The following ARHGAP22 variants were observed in gnomAD, a reference collection of about 807,000 sequenced individuals.
ARHGAP22 encodes rho GTPase-activating protein 22.
Under a neutral mutation model 59.1 loss-of-function variants are expected in ARHGAP22, and 48 were observed. The observed-to-expected ratio is 0.81, with a 90% CI of 0.64 to 1.03. The LOEUF is 1.03. Ranked by LOEUF, ARHGAP22 falls within the 50% of genes least tolerant of loss-of-function variation. The probability of loss-of-function intolerance (pLI) is 0.00; values close to 1 mark genes in which losing one functional copy is unlikely to be tolerated. For synonymous variants in ARHGAP22, 445 were observed against 416.4 expected (o/e 1.07, Z -0.84); for missense variants, 1,015 against 958.7 (o/e 1.06, Z -0.78).
chr10:48,605,167 G>A, upstream of ARHGAP22: 1 of 1,135,862 alleles, frequency 8.8e-7, no homozygotes, highest in Non-Finnish European at 1.1e-6. Context: ...GAGGGGCGGG[G>A]CCAGCCAGAG....
At chr10:48,470,354 T>C (rs776569731) in intron 4 of ARHGAP22, among the ~76,000 whole-genome samples, 6 of 152,308 alleles carry the variant, frequency 3.9e-5, no homozygotes, top group South Asian at 4.1e-4. Flanking sequence ...AGGCAGCTGC[T>C]CGGGCCTTTG....
At chr10:48,584,814 G>A (rs373733766) in intron 1 of ARHGAP22, among the ~76,000 whole-genome samples, 16 of 152,258 alleles carry the variant, frequency 1.1e-4, no homozygotes, top group East Asian at 5.8e-4. Flanking sequence ...CTAACACGGC[G>A]AAACCCTGTC....
intron 1 of ARHGAP22, among the ~76,000 whole-genome samples, chr10:48,597,304 A>G (rs997823160): frequency 1.5e-4 from 23 of 152,066 alleles, no homozygotes; most frequent in African/African-American, 5.6e-4. Context: ...GGATTCTCCT[A>G]CCCACGGCCT....
At chr10:48,568,771 C>A (rs1477789074) in intron 2 of ARHGAP22, among the ~76,000 whole-genome samples, 1 of 152,214 alleles carries the variant, frequency 6.6e-6, no homozygotes, top group Non-Finnish European at 1.5e-5. Flanking sequence ...GGCCCCCACC[C>A]CCACCAGGAA....
the ARHGAP22 span, chr10:48,436,169 G>A: frequency 1.3e-5 from 2 of 152,200 alleles, no homozygotes; most frequent in Admixed American, 6.5e-5. Flanking sequence ...GAAAATAGTA[G>A]CACACAGCCA....
intron 1 of ARHGAP22, among the ~76,000 whole-genome samples, chr10:48,602,049 T>A (rs2060416096): frequency 6.6e-6 from 1 of 152,220 alleles, no homozygotes; most frequent in Non-Finnish European, 1.5e-5. Flanking sequence ...TTCTTCTACA[T>A]CTGTCAAAAT....
At chr10:48,437,578 C>G in the ARHGAP22 span, 1 of 152,136 alleles carries the variant, frequency 6.6e-6, no homozygotes, top group East Asian at 1.9e-4. Flanking sequence ...TCTCTTCCCT[C>G]TAATATATAC....
chr10:48,627,598 C>G (rs1047865864), intron 1 of ARHGAP22, among the ~76,000 whole-genome samples: 26 of 152,356 alleles, frequency 1.7e-4, no homozygotes, highest in African/African-American at 6.3e-4. Context: ...GCGCTCCACA[C>G]TGAGTGGGGA....
At chr10:48,445,270 T>A (rs1420399476), downstream of ARHGAP22, 1 of 152,288 alleles carries the variant, frequency 6.6e-6, no homozygotes, top group East Asian at 1.9e-4. Flanking sequence ...CTGGGCGCTC[T>A]GGTGACCACT....
intron 1 of ARHGAP22, among the ~76,000 whole-genome samples, chr10:48,651,407 C>T (rs942643696): frequency 1.3e-5 from 2 of 152,116 alleles, no homozygotes; most frequent in African/African-American, 4.8e-5. Flanking sequence ...CCAATCATCA[C>T]CTGCATAGTC....
chr10:48,559,234 G>A (rs180745803), intron 2 of ARHGAP22, among the ~76,000 whole-genome samples: 14 of 152,290 alleles, frequency 9.2e-5, no homozygotes, highest in Admixed American at 7.8e-4. Flanking sequence ...GTTTGCAGAC[G>A]GGCACCTAGG....
chr10:48,440,660 T>C, the ARHGAP22 span, among the ~76,000 whole-genome samples: 69 of 151,548 alleles, frequency 4.6e-4, no homozygotes, highest in African/African-American at 1.6e-3. Flanking sequence ...CACGCTGGAG[T>C]TTGGAATTGA....
At chr10:48,453,730 C>G (rs1367791733) in intron 7 of ARHGAP22, among the ~76,000 whole-genome samples, 1 of 152,222 alleles carries the variant, frequency 6.6e-6, no homozygotes, top group Non-Finnish European at 1.5e-5. Flanking sequence ...CAGCGCCGCC[C>G]CTGCATTCCC....
chr10:48,655,035 T>TTTCA (rs1483660341), upstream of ARHGAP22, among the ~76,000 whole-genome samples: 119 of 61,360 alleles, frequency 1.9e-3, 12 homozygotes, highest in African/African-American at 8.0e-3. Flanking sequence ...TCTTTCATTC[T>TTTCA]TTCTTTCTTT....
At chr10:48,610,403 C>T (rs990376197) in intron 1 of ARHGAP22, among the ~76,000 whole-genome samples, 6 of 152,140 alleles carry the variant, frequency 3.9e-5, no homozygotes, top group Non-Finnish European at 5.9e-5. Flanking sequence ...TATCCTTGGG[C>T]ATGATTTCTA....
exon 1 of ARHGAP22, chr10:48,652,297 C>T (rs1351657120): frequency 2.0e-6 from 3 of 1,535,530 alleles, no homozygotes; most frequent in Admixed American, 2.0e-5. Flanking sequence ...ATGAAGCTGG[C>T]AGTCTGTGCA....
intron 1 of ARHGAP22, among the ~76,000 whole-genome samples, chr10:48,594,977 C>T (rs1227605281): frequency 6.6e-6 from 1 of 150,474 alleles, no homozygotes; most frequent in Non-Finnish European, 1.5e-5. Flanking sequence ...TTTGGAGATC[C>T]CCACTGAACA....
At chr10:48,542,837 G>T (rs1001205440) in intron 3 of ARHGAP22, among the ~76,000 whole-genome samples, 4 of 152,196 alleles carry the variant, frequency 2.6e-5, no homozygotes, top group Non-Finnish European at 5.9e-5. Context: ...TGCAGGTGGG[G>T]TAGCAGGCTG....
At chr10:48,638,671 A>C (rs940407675) in intron 1 of ARHGAP22, among the ~76,000 whole-genome samples, 2 of 152,192 alleles carry the variant, frequency 1.3e-5, no homozygotes, top group African/African-American at 4.8e-5. Context: ...TCATTCATTC[A>C]ACAAACAAGT....
Sources: allele counts gnomAD v4.1 joint callset (sites outside exome capture counted in the v4.1 genomes callset), GRCh38; gene constraint gnomAD v4.1.1; transcripts MANE v1.5; gene names NCBI Gene and HGNC (gene_info 2026-07-23, HGNC 2026-07-21).